The following DPP9 variants were observed in gnomAD, a reference collection of about 807,000 sequenced individuals.
The protein encoded by DPP9 is dipeptidyl peptidase IV-related protein-2.
In DPP9, 50 loss-of-function variants were observed where a neutral mutation model predicts 110.7. The observed-to-expected ratio is 0.45, with a 90% confidence interval of 0.36 to 0.57. The LOEUF is 0.57. Among genes scored for constraint, DPP9 ranks in the 20% least tolerant of loss-of-function variants. The pLI, the probability that DPP9 is intolerant of heterozygous loss-of-function variation, is 0.00. For missense variants in DPP9, 1,022 were observed against 1,217.9 expected (o/e 0.84, Z 2.39); for synonymous variants, 561 against 514.4 (o/e 1.09, Z -1.23).
intron 4 of DPP9, 114 bp from the exon 5 acceptor site, chr19:4,706,084 G>T: frequency 1.1e-6 from 1 of 898,388 alleles, no homozygotes; most frequent in Non-Finnish European, 1.7e-6. Context: ...ATTCTGCCAG[G>T]CCGCCGGCGG....
rs2145763848 is a variant in DPP9, at chr19:4,704,554, C to T, written c.427-250G>A. Among the ~76,000 whole-genome samples the T allele has an allele frequency of 6.6e-6, 1 of 152,240 alleles. No homozygotes were observed. The highest frequency in any genetic ancestry group is 1.5e-5 in the Non-Finnish European group (1 of 67,978). On this transcript the variant is annotated intron_variant, in intron 5 of 21. Coordinates refer to ENST00000262960, the MANE Select transcript of DPP9 (RefSeq NM_139159.5). The surrounding 1 kb of genome is among the most constrained non-coding windows in gnomAD (Gnocchi z 6.0). ...GGAGGTGGCAGGGGAGACTCTGGGG[C>T]CAGAAGCCTCCTCACTTCCTGAGTT...
At position 4,698,710 on chromosome 19, in the gene DPP9, A is replaced by C. The variant is rs957727294; in HGVS notation, c.1075-1059T>G. On this transcript the variant is annotated intron_variant, in intron 10 of 21. Coordinates refer to ENST00000262960, the MANE Select transcript of DPP9 (RefSeq NM_139159.5). The surrounding 1 kb of genome is among the most constrained non-coding windows in gnomAD (Gnocchi z 4.2). ...GGCTGCAGTGGGTCATGATTGCACCAGTGTACTCCAGCCTAGACGACAGTG... is the reference window on the plus strand; with the variant it reads ...GGCTGCAGTGGGTCATGATTGCACCCGTGTACTCCAGCCTAGACGACAGTG... 3.9e-5 allele frequency among the ~76,000 whole-genome samples: 6 copies of C among 152,076 alleles called. No individual in the cohort carries two copies. Among genetic ancestry groups the C allele is most frequent in the Non-Finnish European group, 8.8e-5 (6 of 68,016 alleles).
chr19:4,676,550 C>T lies in DPP9; in HGVS notation c.*14G>A. On this transcript the variant is annotated 3_prime_UTR_variant, in exon 22 of 22. Coordinates refer to ENST00000262960, the MANE Select transcript of DPP9 (RefSeq NM_139159.5). This position sits in a 1 kb window ranked among gnomAD's most constrained non-coding sequence, Gnocchi z 4.0. ...CCACTTGTGCTGTGATGTGGCGGCT[C>T]CCGGTGGGCAGGCTCAGAGGTATTC... 1 of 1,583,050 alleles carries T rather than the reference C, an allele frequency of 6.3e-7. No individual in the cohort carries two copies. Among genetic ancestry groups the T allele is most frequent in the Non-Finnish European group, 8.6e-7 (1 of 1,165,506 alleles).
Position 4,679,904 on chromosome 19 carries a change from G to A in DPP9, c.2517C>T (p.Asn839=). The change falls in exon 21 of 22, where the codon AAC becomes AAT. Residue 839 remains asparagine, a synonymous_variant. Coordinates refer to ENST00000262960, the MANE Select transcript of DPP9 (RefSeq NM_139159.5). ...LLILHGFLDE[N]VHFFHTNFLV... is the part of the protein sequence containing the mutation. ...GGAAGTTTGTGTGGAAAAAGTGCACGTTTTCGTCCAGGAAGCCGTGGAGGA... is the reference window on the plus strand; with the variant it reads ...GGAAGTTTGTGTGGAAAAAGTGCACATTTTCGTCCAGGAAGCCGTGGAGGA... 1 of 1,613,482 alleles carries A rather than the reference G, an allele frequency of 6.2e-7. No homozygotes were observed. Among genetic ancestry groups the A allele is most frequent in the African/African-American group, 1.3e-5 (1 of 75,052 alleles).
chr19:4,685,598 G>A lies in DPP9; in HGVS notation c.2031+28C>T. The A allele has an allele frequency of 6.3e-7, 1 of 1,583,330 alleles. No individual in the cohort carries two copies. Among genetic ancestry groups the A allele is most frequent in the South Asian group, 1.1e-5 (1 of 87,498 alleles). ...GAGTCCTCGGGTGGATGGTGGGGTG[G>A]GGGCCTGGGGAGCAGGTGTGCACTC... On this transcript the variant is annotated intron_variant, in intron 17 of 21. Coordinates refer to ENST00000262960, the MANE Select transcript of DPP9 (RefSeq NM_139159.5). The surrounding 1 kb of genome is among the most constrained non-coding windows in gnomAD (Gnocchi z 5.8).
chr19:4,710,318 T>C lies in DPP9; in HGVS notation c.313+3763A>G, dbSNP rs1268037050. Among the ~76,000 whole-genome samples, 1 of 152,204 alleles carries C rather than the reference T, an allele frequency of 6.6e-6. No individual in the cohort carries two copies. ...GAGACAGGAATTCTTGCTTTCCCTT[T>C]CGAGGGAGTTCCAGAACTGTCTGGA... On this transcript the variant is annotated intron_variant, in intron 4 of 21. Transcript: ENST00000262960. This position sits in a 1 kb window ranked among gnomAD's most constrained non-coding sequence, Gnocchi z 5.6.
chr19:4,700,936 A>G lies in DPP9; in HGVS notation c.1013-659T>C, dbSNP rs1006212539. 1.3e-5 allele frequency among the ~76,000 whole-genome samples: 2 copies of G among 152,154 alleles called. No individual in the cohort carries two copies. The highest frequency in any genetic ancestry group is 4.8e-5 in the African/African-American group (2 of 41,428). On this transcript the variant is annotated intron_variant, in intron 9 of 21. Coordinates refer to ENST00000262960, the MANE Select transcript of DPP9 (RefSeq NM_139159.5). This position sits in a 1 kb window ranked among gnomAD's most constrained non-coding sequence, Gnocchi z 4.3. ...GTGACATCTCTGAGCCTGTTTTCTC[A>G]TCTGTCATACGAGGGGGAAAAGACT...
Position 4,700,718 on chromosome 19 carries a change from G to A in DPP9, c.1013-441C>T, listed in dbSNP as rs2092191315. Among the ~76,000 whole-genome samples the A allele has an allele frequency of 1.3e-5, 2 of 152,214 alleles. No homozygotes were observed. The highest frequency in any genetic ancestry group is 4.1e-4 in the South Asian group (2 of 4,834). On this transcript the variant is annotated intron_variant, in intron 9 of 21. Transcript: ENST00000262960. The surrounding 1 kb of genome is among the most constrained non-coding windows in gnomAD (Gnocchi z 4.3). ...TCCCATGCAAAACCAGGGAGCCCGT[G>A]TGACAGCCAGACCTGCGCCCTCCGG...
At position 4,718,624 on chromosome 19, in the gene DPP9, A is replaced by G. The variant is rs564962262; in HGVS notation, c.56+1227T>C. Among the ~76,000 whole-genome samples the G allele has an allele frequency of 6.6e-6, 1 of 151,766 alleles. No homozygotes were observed. The highest frequency in any genetic ancestry group is 1.9e-4 in the East Asian group (1 of 5,176). On this transcript the variant is annotated intron_variant, in intron 3 of 21. Transcript: ENST00000262960. The surrounding 1 kb of genome is among the most constrained non-coding windows in gnomAD (Gnocchi z 4.3). ...TAGCTTTGATGAGCAACCTTTACAGAGTCACCCAGCAGCCTGTGCCCAGGT... is the reference window on the plus strand; with the variant it reads ...TAGCTTTGATGAGCAACCTTTACAGGGTCACCCAGCAGCCTGTGCCCAGGT...
chr19:4,715,242 C>T (rs2093026532), intron 3 of DPP9, among the ~76,000 whole-genome samples: 1 of 151,880 alleles, frequency 6.6e-6, no homozygotes, highest in African/African-American at 2.4e-5. Context: ...AGGCTGCTCT[C>T]GAACTCCTGA....
At chr19:4,677,709 C>A (rs1444650038) in intron 21 of DPP9, among the ~76,000 whole-genome samples, 1 of 152,218 alleles carries the variant, frequency 6.6e-6, no homozygotes, top group African/African-American at 2.4e-5. Context: ...AGTGGCACTC[C>A]CTGGGGCAGA....
rs375267935 is a variant in DPP9, at chr19:4,694,668, G to C, written c.1509C>G (p.Pro503=). The C allele has an allele frequency of 1.2e-5, 20 of 1,610,850 alleles. No individual in the cohort carries two copies. In the African/African-American group the frequency reaches 2.4e-4, roughly 19 times the overall value. Reference sequence around the variant, plus strand: ...TCGTCAGGCTCTGCTCACCTTCCCCGGGGCTGAAGGGCTCACTCCAATCGT... The same window carrying C: ...TCGTCAGGCTCTGCTCACCTTCCCCCGGGCTGAAGGGCTCACTCCAATCGT... ...QGYDWSEPFS[P]GEDEFKCPIK... Residue 503 remains proline (P), a synonymous_variant, in exon 13 of 22, where the codon CCC becomes CCG. Coordinates refer to ENST00000262960, the MANE Select transcript of DPP9 (RefSeq NM_139159.5). This position sits in a 1 kb window ranked among gnomAD's most constrained non-coding sequence, Gnocchi z 4.0.
At position 4,694,627 on chromosome 19, in the gene DPP9, G is replaced by T. The variant is rs116968987; in HGVS notation, c.1516+34C>A. ...ATATTGAACCACACGTGACTAACGC[G>T]ATGAGTCGACAGCATTCGTCAGGCT... On this transcript the variant is annotated intron_variant, in intron 13 of 21. Coordinates refer to ENST00000262960, the MANE Select transcript of DPP9 (RefSeq NM_139159.5). This position sits in a 1 kb window ranked among gnomAD's most constrained non-coding sequence, Gnocchi z 4.0. 2.2e-5 allele frequency: 35 copies of T among 1,597,558 alleles called. No homozygotes were observed. The East Asian group carries it at 7.9e-4, about 36-fold the overall frequency.
chr19:4,700,575 G>A lies in DPP9; in HGVS notation c.1013-298C>T, dbSNP rs1264831148. Among the ~76,000 whole-genome samples, 1 of 152,178 alleles carries A rather than the reference G, an allele frequency of 6.6e-6. No homozygotes were observed. Among genetic ancestry groups the A allele is most frequent in the Admixed American group, 6.5e-5 (1 of 15,278 alleles). On this transcript the variant is annotated intron_variant, in intron 9 of 21. Transcript: ENST00000262960. The surrounding 1 kb of genome is among the most constrained non-coding windows in gnomAD (Gnocchi z 4.3). ...GGGCCACACCCTGTGCTGAGAGCTG[G>A]GGCTTGTAGGGGCCGCAGATACCAG...
chr19:4,710,148 C>A lies in DPP9; in HGVS notation c.313+3933G>T, dbSNP rs149057062. On this transcript the variant is annotated intron_variant, in intron 4 of 21. Coordinates refer to ENST00000262960, the MANE Select transcript of DPP9 (RefSeq NM_139159.5). The surrounding 1 kb of genome is among the most constrained non-coding windows in gnomAD (Gnocchi z 5.6). Reference sequence around the variant, plus strand: ...GCAAACACACCTGATGCCAACCTGTCACCCACCCATGCCCCGGTGACCCAG... The same window carrying A: ...GCAAACACACCTGATGCCAACCTGTAACCCACCCATGCCCCGGTGACCCAG... 5.3e-5 allele frequency among the ~76,000 whole-genome samples: 8 copies of A among 152,350 alleles called. No individual in the cohort carries two copies. Among genetic ancestry groups the A allele is most frequent in the Non-Finnish European group, 1.2e-4 (8 of 68,020 alleles).
chr19:4,697,441 C>T (rs759942679), intron 11 of DPP9, 110 bp downstream of exon 11: 28 of 903,092 alleles, frequency 3.1e-5, no homozygotes, highest in Non-Finnish European at 3.9e-5. Flanking sequence ...TGCGGGAAGA[C>T]GTGAGCAGAT....
rs1450354010 is a variant in DPP9, at chr19:4,682,303, G to A, written c.2474+393C>T. 6.6e-6 allele frequency among the ~76,000 whole-genome samples: 1 copy of A among 152,216 alleles called. No homozygotes were observed. The highest frequency in any genetic ancestry group is 1.5e-5 in the Non-Finnish European group (1 of 68,040). ...AAATGGGACATCTGAGCTGGTCCCT[G>A]GCCCTGTGGACATCTATGTCCTGAA... is the stretch of plus-strand genomic sequence containing the variant. On this transcript the variant is annotated intron_variant, in intron 20 of 21. Transcript: ENST00000262960. This position sits in a 1 kb window ranked among gnomAD's most constrained non-coding sequence, Gnocchi z 7.1.
chr19:4,707,672 C>T (rs971102582), intron 4 of DPP9, among the ~76,000 whole-genome samples: 1 of 131,546 alleles, frequency 7.6e-6, no homozygotes, highest in Non-Finnish European at 1.5e-5. Context: ...GTCGCCCAGA[C>T]TGGAGTGCAG....
chr19:4,679,844 G>A lies in DPP9; in HGVS notation c.2577C>T (p.Tyr859=). 6.2e-7 allele frequency: 1 copy of A among 1,611,116 alleles called. No individual in the cohort carries two copies. The highest frequency in any genetic ancestry group is 8.5e-7 in the Non-Finnish European group (1 of 1,178,742). Residue 859 remains tyrosine, a synonymous_variant, in exon 21 of 22, where the codon TAC becomes TAT. Coordinates refer to ENST00000262960, the MANE Select transcript of DPP9 (RefSeq NM_139159.5). ...CCCAACAGCCACCCACCTGGAGCTG[G>A]TAAGGTTTCCCTGCTCGGATCAGTT... The part of the protein sequence containing the change: ...VSQLIRAGKP[Y]QLQIYPNERH...
Sources: gnomAD v4.1 joint callset for allele counts (sites outside exome capture counted in the v4.1 genomes callset) on GRCh38, gnomAD v4.1.1 for gene constraint, Gnocchi (gnomAD v3.1) non-coding constraint, MANE v1.5 for transcripts, NCBI Gene and HGNC (gene_info 2026-07-23, HGNC 2026-07-21) for gene names.